The following LIN7A variants were observed in gnomAD, a reference collection of about 807,000 sequenced individuals.
The protein encoded by LIN7A is protein lin-7 homolog A.
Under a neutral mutation model 29.8 loss-of-function variants are expected in LIN7A, and 25 were observed. The ratio of observed to expected loss-of-function variants is 0.84; its 90% CI spans 0.61 to 1.17. LIN7A has a LOEUF of 1.17. LIN7A is among the 50% of genes most tolerant of loss of function. The pLI, the probability that LIN7A is intolerant of heterozygous loss-of-function variation, is 0.00. For synonymous variants in LIN7A, 118 were observed against 107.5 expected (o/e 1.10, Z -0.60); for missense variants, 239 against 287.0 (o/e 0.83, Z 1.21).
chr12:80,857,860 A>C (rs530375536), intron 2 of LIN7A, among the ~76,000 whole-genome samples: 1 of 152,312 alleles, frequency 6.6e-6, no homozygotes, highest in East Asian at 1.9e-4. Flanking sequence ...TTATAGATTA[A>C]GTTTAATGAG....
intron 1 of LIN7A, among the ~76,000 whole-genome samples, chr12:80,921,408 C>T (rs1877292279): frequency 1.0e-5 from 1 of 99,968 alleles, no homozygotes; most frequent in Admixed American, 1.0e-4. Flanking sequence ...GTTTATTTCT[C>T]ATAGTTTTGG....
chr12:80,854,858 A>T (rs1341868212), intron 2 of LIN7A, among the ~76,000 whole-genome samples: 1 of 152,206 alleles, frequency 6.6e-6, no homozygotes, highest in Non-Finnish European at 1.5e-5. Flanking sequence ...CTTAATCATG[A>T]TTTCAGAAGC....
intron 4 of LIN7A, 111 bp downstream of exon 4, chr12:80,845,619 A>G (rs1465034291): frequency 7.4e-6 from 6 of 806,076 alleles, no homozygotes; most frequent in Non-Finnish European, 1.2e-5. Flanking sequence ...AGCTGGTTAG[A>G]CATAAAATGA....
At chr12:80,853,965 A>G (rs1288338560) in intron 2 of LIN7A, among the ~76,000 whole-genome samples, 3 of 152,158 alleles carry the variant, frequency 2.0e-5, no homozygotes, top group African/African-American at 7.2e-5. Flanking sequence ...AAGTTCTGGG[A>G]TTACAGGCAT....
chr12:80,809,732 C>T (rs942567331), intron 5 of LIN7A, among the ~76,000 whole-genome samples: 4 of 152,078 alleles, frequency 2.6e-5, no homozygotes, highest in Non-Finnish European at 5.9e-5. Context: ...GATGGGGTCT[C>T]TTAACATTTT....
intron 2 of LIN7A, among the ~76,000 whole-genome samples, chr12:80,867,074 C>T (rs1309297433): frequency 6.6e-6 from 1 of 152,090 alleles, no homozygotes; most frequent in African/African-American, 2.4e-5. Flanking sequence ...TGCCTCGCCC[C>T]CCAAGTAGCT....
At chr12:80,808,444 T>C (rs1871141964) in intron 5 of LIN7A, among the ~76,000 whole-genome samples, 1 of 152,190 alleles carries the variant, frequency 6.6e-6, no homozygotes, top group Non-Finnish European at 1.5e-5. Flanking sequence ...CATTAAACAG[T>C]GCCTCGCTTG....
At chr12:80,897,718 T>A (rs1875982440) in intron 1 of LIN7A, among the ~76,000 whole-genome samples, 1 of 151,924 alleles carries the variant, frequency 6.6e-6, no homozygotes, top group African/African-American at 2.4e-5. Context: ...GGAGGAAGAA[T>A]CACCTGAACC....
chr12:80,812,075 A>C (rs1175302912), intron 4 of LIN7A, among the ~76,000 whole-genome samples: 4 of 152,208 alleles, frequency 2.6e-5, no homozygotes, highest in African/African-American at 7.2e-5. Context: ...ATTTATTAAG[A>C]ATCTACAATG....
chr12:80,828,507 TATA>T (rs1057448411), intron 4 of LIN7A, among the ~76,000 whole-genome samples: 2 of 152,128 alleles, frequency 1.3e-5, no homozygotes, highest in Middle Eastern at 3.4e-3. Flanking sequence ...GAAAATTACA[TATA>T]ATAATAATAA....
In LIN7A at chr12:80,905,416, T is replaced by A. The variant is rs1156327670; in HGVS notation, c.83-16047A>T. Among the ~76,000 whole-genome samples, 4 of 152,322 alleles carry A rather than the reference T, an allele frequency of 2.6e-5. No individual in the cohort carries two copies. The East Asian group carries it at 7.7e-4, about 29-fold the overall frequency. On this transcript the variant is annotated intron_variant, in intron 1 of 5. Coordinates refer to ENST00000552864, the MANE Select transcript of LIN7A (RefSeq NM_004664.4). ...ACCAGTGTTATTTCTCATTTTGGAT[T>A]TTAATAGCATTTTTGGAGTTACATA...
intron 1 of LIN7A, among the ~76,000 whole-genome samples, chr12:80,913,122 C>A (rs1876850370): frequency 6.6e-6 from 1 of 152,142 alleles, no homozygotes. Context: ...TATGAGCTTA[C>A]CGTCTGTTCC....
rs56000415 is a variant in LIN7A, at chr12:80,882,287, C to CTTTTTTTTTTT, written c.201+6953_201+6963dup. ...ACAGTACTATCATTTTTCTTTCATT[C>CTTTTTTTTTTT]TTTTTTTTTTTTTTTGAGACGGAGT... On this transcript the variant is annotated intron_variant, in intron 2 of 5. Transcript: ENST00000552864. Among the ~76,000 whole-genome samples the CTTTTTTTTTTT allele has an allele frequency of 1.0e-4, 9 of 87,698 alleles. 2 individuals are homozygous for CTTTTTTTTTTT. Among genetic ancestry groups the CTTTTTTTTTTT allele is most frequent in the South Asian group, 3.6e-4 (1 of 2,752 alleles). 57.5% of individuals were successfully genotyped at this position (87,698 alleles called of 152,430 possible).
rs550790939 is a variant in LIN7A at position 80,793,070 on chromosome 12, C to T, written c.*4657G>A. 65 of 152,160 alleles carry T rather than the reference C, an allele frequency of 4.3e-4. No individual in the cohort carries two copies. Among genetic ancestry groups the T allele is most frequent in the African/African-American group, 1.4e-3 (59 of 41,504 alleles). The allele number at this position is 152,160 out of a possible 1,614,324, so 9.4% of individuals were successfully genotyped here. On this transcript the variant is annotated 3_prime_UTR_variant, in exon 6 of 6. Transcript: ENST00000552864. ...ATTCATTTTAATGTAATGGTGTCCC[C>T]CAAACCACAGATAATGATTAGACAC... is the stretch of plus-strand genomic sequence containing the variant.
At chr12:80,807,083 T>TGTTTGTTTG (rs1871067479) in intron 5 of LIN7A, among the ~76,000 whole-genome samples, 2 of 137,206 alleles carry the variant, frequency 1.5e-5, no homozygotes, top group Non-Finnish European at 3.1e-5. Context: ...TTTTTTTTTT[T>TGTTTGTTTG]TTTTTTTTGA....
At chr12:80,840,908 G>A (rs1269526770) in intron 4 of LIN7A, among the ~76,000 whole-genome samples, 1 of 152,134 alleles carries the variant, frequency 6.6e-6, no homozygotes, top group African/African-American at 2.4e-5. Flanking sequence ...TTCAAATGAT[G>A]AGCAAATTCT....
intron 1 of LIN7A, among the ~76,000 whole-genome samples, chr12:80,924,961 C>T (rs17007692): frequency 0.013 from 1,969 of 152,188 alleles, 39 homozygotes; most frequent in African/African-American, 0.044. Context: ...GAAGGCACTG[C>T]CTGAGTCTAA....
intron 1 of LIN7A, among the ~76,000 whole-genome samples, chr12:80,908,319 T>A (rs894944646): frequency 6.6e-6 from 1 of 152,062 alleles, no homozygotes; most frequent in South Asian, 2.1e-4. Context: ...TACTCACATA[T>A]CTACTATATC....
chr12:80,898,156 T>TA (rs1876008967), intron 1 of LIN7A, among the ~76,000 whole-genome samples: 1 of 152,296 alleles, frequency 6.6e-6, no homozygotes, highest in African/African-American at 2.4e-5. Flanking sequence ...GTGTGTGGTG[T>TA]AAGGAAGGGG....
Sources: gnomAD v4.1 joint callset for allele counts (sites outside exome capture counted in the v4.1 genomes callset) on GRCh38, gnomAD v4.1.1 for gene constraint, MANE v1.5 for transcripts, NCBI Gene and HGNC (gene_info 2026-07-23, HGNC 2026-07-21) for gene names.